The following WNT5B variants were observed in gnomAD, a reference collection of about 807,000 sequenced individuals.
WNT5B encodes protein Wnt-5b.
In WNT5B, 18 loss-of-function variants were observed where a neutral mutation model predicts 36.5. The ratio of observed to expected loss-of-function variants is 0.49; its 90% CI spans 0.34 to 0.73. The LOEUF (loss-of-function observed/expected upper bound fraction) is 0.73. Ranked by LOEUF, WNT5B falls within the 30% of genes least tolerant of loss-of-function variation. The pLI is 0.01. For synonymous variants in WNT5B, 213 were observed against 212.3 expected (o/e 1.00, Z -0.03); for missense variants, 424 against 508.4 (o/e 0.83, Z 1.60).
chr12:1,622,271 C>A (rs145718803), intron 1 of WNT5B, among the ~76,000 whole-genome samples: 4 of 152,028 alleles, frequency 2.6e-5, no homozygotes, highest in Non-Finnish European at 4.4e-5. Flanking sequence ...CCACCACGCC[C>A]GGCTAATTTT....
upstream of WNT5B, among the ~76,000 whole-genome samples, chr12:1,628,412 C>G (rs1229974688): frequency 2.0e-5 from 3 of 152,126 alleles, no homozygotes; most frequent in African/African-American, 7.2e-5. Context: ...CCCACCTTGG[C>G]CCCCCGAAGA....
chr12:1,632,697 TATC>T lies in WNT5B; in HGVS notation c.124_126del (p.Ile42del). ...ACCCGGTGCAGAGACCCGAGATGTT[TATC>T]ATCGGTGCCCAGCCCGTGTGCAGTC... On this transcript the variant is annotated inframe_deletion, in exon 3 of 5. Coordinates refer to ENST00000397196, the MANE Select transcript of WNT5B (RefSeq NM_032642.3). The surrounding 1 kb of genome is among the most constrained non-coding windows in gnomAD (Gnocchi z 5.8). The T allele has an allele frequency of 6.2e-7, 1 of 1,612,030 alleles. No homozygotes were observed. The highest frequency in any genetic ancestry group is 8.5e-7 in the Non-Finnish European group (1 of 1,178,234).
chr12:1,619,455 T>C (rs956201719), intron 1 of WNT5B, among the ~76,000 whole-genome samples: 11 of 152,108 alleles, frequency 7.2e-5, no homozygotes, highest in African/African-American at 2.2e-4. Context: ...GCTGTGTTAA[T>C]TGAGCTGAGA....
chr12:1,629,931 G>C (rs2094547123), intron 1 of WNT5B: 1 of 162,674 alleles, frequency 6.1e-6, no homozygotes, highest in African/African-American at 2.4e-5. Flanking sequence ...TGACAAAGGG[G>C]AAGGAGCAAG....
At chr12:1,621,553 T>C (rs1051420004) in intron 1 of WNT5B, among the ~76,000 whole-genome samples, 8 of 152,190 alleles carry the variant, frequency 5.3e-5, no homozygotes, top group Non-Finnish European at 7.3e-5. Flanking sequence ...TTTTAAAAAG[T>C]TAATTTAACA....
chr12:1,640,096 ACC>A (rs1252350336), intron 4 of WNT5B, 120 bp downstream of exon 4: 3 of 1,226,318 alleles, frequency 2.4e-6, no homozygotes, highest in Non-Finnish European at 3.3e-6. Context: ...GAAGATTCTT[ACC>A]TACGATTGCA....
At chr12:1,634,576 C>T (rs917766709) in intron 3 of WNT5B, among the ~76,000 whole-genome samples, 1 of 152,186 alleles carries the variant, frequency 6.6e-6, no homozygotes, top group Admixed American at 6.5e-5. Context: ...GTGCCCTATT[C>T]CGTTACAAAA....
upstream of WNT5B, among the ~76,000 whole-genome samples, chr12:1,624,871 G>A (rs770554159): frequency 7.2e-5 from 11 of 152,014 alleles, no homozygotes; most frequent in Non-Finnish European, 1.5e-4. Flanking sequence ...CAGATACATG[G>A]ATTCATAAGG....
At position 1,631,449 on chromosome 12, in the gene WNT5B, C is replaced by G; in HGVS notation, c.80+15C>G. 6.2e-7 allele frequency: 1 copy of G among 1,614,044 alleles called. No individual in the cohort carries two copies. Among genetic ancestry groups the G allele is most frequent in the Non-Finnish European group, 8.5e-7 (1 of 1,180,004 alleles). On this transcript the variant is annotated intron_variant, in intron 2 of 4. Transcript: ENST00000397196. ...AACTCCTGGTGGTGAGTAAGAGGGG[C>G]TGAGGTCCTGCCTGCACAGCCGGAG...
upstream of WNT5B, among the ~76,000 whole-genome samples, chr12:1,626,645 C>A (rs548830797): frequency 8.6e-5 from 13 of 151,402 alleles, no homozygotes; most frequent in East Asian, 1.8e-3. Flanking sequence ...ACCCACTGCA[C>A]GCTCCGCCTC....
rs1184189819 is a variant in WNT5B, at chr12:1,632,535, C to A, written c.81-123C>A. On this transcript the variant is annotated intron_variant, in intron 2 of 4. Coordinates refer to ENST00000397196, the MANE Select transcript of WNT5B (RefSeq NM_032642.3). This position sits in a 1 kb window ranked among gnomAD's most constrained non-coding sequence, Gnocchi z 5.8. Reference sequence around the variant, plus strand: ...CCAGCACTCTGATTTACTAATTTTTCTTTCCAGGGCCTTGTACACAGGGAC... The same window carrying A: ...CCAGCACTCTGATTTACTAATTTTTATTTCCAGGGCCTTGTACACAGGGAC... The A allele has an allele frequency of 7.2e-7, 1 of 1,397,360 alleles. No homozygotes were observed. Among genetic ancestry groups the A allele is most frequent in the Non-Finnish European group, 9.6e-7 (1 of 1,039,044 alleles). The allele number at this position is 1,397,360 out of a possible 1,614,324, so 86.6% of individuals were successfully genotyped here.
In WNT5B at chr12:1,632,715, C is replaced by G. The variant is rs376248597; in HGVS notation, c.138C>G (p.Pro46=). The G allele has an allele frequency of 4.3e-6, 7 of 1,613,512 alleles. No individual in the cohort carries two copies. Among genetic ancestry groups the G allele is most frequent in the South Asian group, 1.1e-5 (1 of 91,072 alleles). ...RPEMFIIGAQ[P]VCSQLPGLSP... ...AGATGTTTATCATCGGTGCCCAGCCCGTGTGCAGTCAGCTTCCCGGGCTCT... is the reference window on the plus strand; with the variant it reads ...AGATGTTTATCATCGGTGCCCAGCCGGTGTGCAGTCAGCTTCCCGGGCTCT... Residue 46 remains proline (P), a synonymous_variant, in exon 3 of 5, where the codon CCC becomes CCG. Coordinates refer to ENST00000397196, the MANE Select transcript of WNT5B (RefSeq NM_032642.3). This position sits in a 1 kb window ranked among gnomAD's most constrained non-coding sequence, Gnocchi z 5.8.
At position 1,639,820 on chromosome 12, in the gene WNT5B, C is replaced by T. The variant is rs372237487; in HGVS notation, c.465C>T (p.Asp155=). 7 of 1,613,776 alleles carry T rather than the reference C, an allele frequency of 4.3e-6. No homozygotes were observed. Among genetic ancestry groups the T allele is most frequent in the East Asian group, 4.5e-5 (2 of 44,860 alleles). ...RTARPKDLPR[D]WLWGGCGDNV... ...CGCGGCCCAAGGACCTGCCCCGGGA[C>T]TGGCTGTGGGGCGGCTGTGGGGACA... The change falls in exon 4 of 5, where the codon GAC becomes GAT. Residue 155 remains aspartate (D), a synonymous_variant. Transcript: ENST00000397196.
In WNT5B at chr12:1,645,914, A is replaced by G. The variant is rs1565614000; in HGVS notation, c.742A>G (p.Lys248Glu). 1 of 1,610,836 alleles carries G rather than the reference A, an allele frequency of 6.2e-7. No individual in the cohort carries two copies. Residue 248 changes from lysine to glutamate, a missense_variant, in exon 5 of 5, where the codon AAG (lysine) becomes GAG (glutamate). By Grantham distance (56) the Lys-to-Glu change is moderately conservative. Transcript: ENST00000397196. ...CAAGGTCGGGGACCGGCTGAAGGAG[A>G]AGTACGACAGCGCGGCCGCCATGCG... ...FRKVGDRLKEKYDSAAAMRVT... is the reference protein window; with the variant it reads ...FRKVGDRLKEEYDSAAAMRVT...
chr12:1,632,116 A>G lies in WNT5B; in HGVS notation c.81-542A>G, dbSNP rs11061883. On this transcript the variant is annotated intron_variant, in intron 2 of 4. Transcript: ENST00000397196. This position sits in a 1 kb window ranked among gnomAD's most constrained non-coding sequence, Gnocchi z 5.8. ...AAGTAGACTAGATCGTGATGTATGT[A>G]AAGTGATTGGATTTTAAAGGCCCAA... Among the ~76,000 whole-genome samples the G allele has an allele frequency of 0.044, 6,737 of 152,264 alleles. 209 individuals are homozygous for G. The highest frequency in any genetic ancestry group is 0.091 in the African/African-American group (3,785 of 41,526).
upstream of WNT5B, among the ~76,000 whole-genome samples, chr12:1,628,394 G>T (rs2094544170): frequency 6.6e-6 from 1 of 152,156 alleles, no homozygotes; most frequent in Admixed American, 6.5e-5. Flanking sequence ...CTGACCTCAG[G>T]TGATCTGCCC....
chr12:1,629,841 AGG>A (rs1400716341), intron 1 of WNT5B: 1 of 33,656 alleles, frequency 3.0e-5, no homozygotes, highest in East Asian at 7.7e-4. Context: ...CCTCCAGAGG[AGG>A]GGGGGTCTGA....
intron 3 of WNT5B, among the ~76,000 whole-genome samples, chr12:1,639,413 C>CA (rs1048974341): frequency 1.8e-4 from 27 of 151,626 alleles, no homozygotes; most frequent in Admixed American, 3.9e-4. Flanking sequence ...GCTGGGATTA[C>CA]GGGCTGAGCC....
chr12:1,628,796 AC>A (rs2094544633), upstream of WNT5B, among the ~76,000 whole-genome samples: 1 of 144,550 alleles, frequency 6.9e-6, no homozygotes, highest in African/African-American at 2.5e-5. Flanking sequence ...ACCCCAGCCC[AC>A]CCCAGCACAA....
Sources: allele counts gnomAD v4.1 joint callset (sites outside exome capture counted in the v4.1 genomes callset), GRCh38; gene constraint gnomAD v4.1.1; non-coding constraint Gnocchi (gnomAD v3.1); transcripts MANE v1.5; gene names NCBI Gene and HGNC (gene_info 2026-07-23, HGNC 2026-07-21).